Variants in IL2RG observed in about 807,000 individuals in gnomAD.
The protein encoded by IL2RG is interleukin 2 receptor subunit gamma, also known as cytokine receptor common subunit gamma.
For synonymous variants in IL2RG, 111 were observed against 108.5 expected (o/e 1.02, Z -0.15); for missense variants, 205 against 272.9 (o/e 0.75, Z 1.75).
At chrX:71,111,242 C>T in intron 1 of IL2RG, 183 bp downstream of exon 1, 4 of 728,962 alleles carry the variant, frequency 5.5e-6, no homozygotes, top group Non-Finnish European at 7.9e-6. Context: ...AAGAAAGAAA[C>T]AAACAAACAA....
chrX:71,107,874 G>A lies in IL2RG; in HGVS notation c.972C>T (p.Asp324=). ...SKGLAESLQP[D]YSERLCLVSE... ...TGACGAGGCAGAGTCGTTCACTGTA[G>A]TCTGGCTGCAGACTCTCAGCCAGTC... Residue 324 remains aspartate (D), a synonymous_variant, in exon 8 of 8, where the codon GAC becomes GAT. Transcript: ENST00000374202. The A allele has an allele frequency of 1.7e-6, 2 of 1,204,887 alleles. No homozygotes were observed. The highest frequency in any genetic ancestry group is 4.6e-4 in the Middle Eastern group (2 of 4,332).
At chrX:71,108,388 G>C in intron 6 of IL2RG, 42 bp from the exon 7 acceptor site, 1 of 951,101 alleles carries the variant, frequency 1.1e-6, no homozygotes, top group Non-Finnish European at 1.5e-6. Context: ...ATAGGTTAAA[G>C]CTTTTTTATC....
chrX:71,108,748 C>T, intron 5 of IL2RG, 53 bp from the exon 6 acceptor site: 3 of 843,043 alleles, frequency 3.6e-6, no homozygotes, highest in Non-Finnish European at 5.2e-6. Context: ...GCCCCTACTA[C>T]ATGCCAGGCA....
At chrX:71,109,942 A>AAAAG (rs1254130664) in intron 4 of IL2RG, among the ~76,000 whole-genome samples, 13 of 102,857 alleles carry the variant, frequency 1.3e-4, no homozygotes, top group Admixed American at 2.1e-4. Context: ...AAAAAAAAAA[A>AAAAG]AAAGAAAGAA....
chrX:71,108,047 C>T, intron 7 of IL2RG, 126 bp from the exon 8 acceptor site: 2 of 578,743 alleles, frequency 3.5e-6, no homozygotes, highest in Non-Finnish European at 5.7e-6. Context: ...GATACACAGG[C>T]TCCTGGGCCC....
chrX:71,108,153 T>C, intron 7 of IL2RG, 124 bp downstream of exon 7: 2 of 587,745 alleles, frequency 3.4e-6, no homozygotes, highest in Admixed American at 5.0e-5. Context: ...GTCGGCCACA[T>C]CCTGACAGTT....
chrX:71,110,784 T>C (rs2092262044), intron 2 of IL2RG, 96 bp from the exon 3 acceptor site: 1 of 1,098,614 alleles, frequency 9.1e-7, no homozygotes, highest in Admixed American at 2.3e-5. Flanking sequence ...AACCGACTTA[T>C]GACTTACCCC....
At chrX:71,111,371 C>G in intron 1 of IL2RG, 54 bp downstream of exon 1, 1 of 1,192,868 alleles carries the variant, frequency 8.4e-7, no homozygotes, top group Non-Finnish European at 1.1e-6. Flanking sequence ...CTCTGTACGG[C>G]CCCTTCCCAC....
In IL2RG at chrX:71,110,619, A is replaced by G. The variant is rs941308764; in HGVS notation, c.339T>C (p.Ser113=). The G allele has an allele frequency of 1.7e-5, 21 of 1,207,762 alleles. No homozygotes were observed. The highest frequency in any genetic ancestry group is 2.0e-5 in the Non-Finnish European group (18 of 893,182). Residue 113 remains serine (S), a synonymous_variant, in exon 3 of 8, where the codon TCT becomes TCC. Transcript: ENST00000374202. Reference sequence around the variant, plus strand: ...TCTCCTTTTTTTGCAACTGACAGCCAGAAGTGATTTCTTCAGAGAATAGAT... The same window carrying G: ...TCTCCTTTTTTTGCAACTGACAGCCGGAAGTGATTTCTTCAGAGAATAGAT... ...SHYLFSEEIT[S]GCQLQKKEIH...
intron 1 of IL2RG, 171 bp from the exon 2 acceptor site, chrX:71,111,221 G>C: frequency 1.5e-6 from 1 of 688,787 alleles, no homozygotes; most frequent in Non-Finnish European, 2.2e-6. Flanking sequence ...GTGAGACCCT[G>C]CCTCAAAAGA....
At chrX:71,109,510 G>C in intron 4 of IL2RG, 120 bp from the exon 5 acceptor site, 1 of 662,222 alleles carries the variant, frequency 1.5e-6, no homozygotes, top group Non-Finnish European at 2.3e-6. Context: ...CTCATCTCTT[G>C]ACTACTCAAG....
chrX:71,107,542 A>C lies in IL2RG; in HGVS notation c.*194T>G. On this transcript the variant is annotated 3_prime_UTR_variant, in exon 8 of 8. Coordinates refer to ENST00000374202, the MANE Select transcript of IL2RG (RefSeq NM_000206.3). ...GAAGGGCCAGACTGAGGGAGAAGAAAAACATGTTCGGGGCAAAAGGGTAAT... is the reference window on the plus strand; with the variant it reads ...GAAGGGCCAGACTGAGGGAGAAGAACAACATGTTCGGGGCAAAAGGGTAAT... 2 of 316,432 alleles carry C rather than the reference A, an allele frequency of 6.3e-6. No homozygotes were observed. Among genetic ancestry groups the C allele is most frequent in the Middle Eastern group, 8.6e-4 (1 of 1,164 alleles). 26.1% of individuals were successfully genotyped at this position (316,432 alleles called of 1,213,427 possible).
At chrX:71,108,134 C>T (rs749183619) in intron 7 of IL2RG, 143 bp downstream of exon 7, 367 of 554,407 alleles carry the variant, frequency 6.6e-4, no homozygotes, top group Middle Eastern at 4.0e-3. Flanking sequence ...ATAGTCCATG[C>T]CCCATTTGGT....
chrX:71,110,910 T>A lies in IL2RG; in HGVS notation c.256A>T (p.Thr86Ser). ...SSSEPQPTNL[T>S]LHYWYKNSDN... ...CCCTTCTCATACCAATAATGCAGAG[T>A]GAGGTTGGTAGGCTGGGGCTCAGAG... The change falls in exon 2 of 8, where the codon ACT (threonine) becomes TCT (serine). Residue 86 changes from threonine to serine, a missense_variant. Physicochemically the swap from Thr to Ser is moderately conservative, Grantham distance 58 (BLOSUM62 1). Transcript: ENST00000374202. 8.3e-7 allele frequency: 1 copy of A among 1,209,674 alleles called. No homozygotes were observed. Among genetic ancestry groups the A allele is most frequent in the Non-Finnish European group, 1.1e-6 (1 of 894,485 alleles).
At chrX:71,109,455 C>T (rs1602288845) in intron 4 of IL2RG, 65 bp from the exon 5 acceptor site, 1 of 1,019,842 alleles carries the variant, frequency 9.8e-7, no homozygotes, top group East Asian at 3.1e-5. Context: ...AAAACATACT[C>T]CTGAACACCC....
At position 71,110,438 on chromosome X, in the gene IL2RG, C is replaced by T. The variant is rs1294622437; in HGVS notation, c.454+66G>A. ...CCCATGTACCCTTATGATAAAAGAA[C>T]ACTACTCTGTAGACTCCAATGTCCC... is the stretch of plus-strand genomic sequence containing the variant. On this transcript the variant is annotated intron_variant, in intron 3 of 7. Coordinates refer to ENST00000374202, the MANE Select transcript of IL2RG (RefSeq NM_000206.3). 5.3e-6 allele frequency: 6 copies of T among 1,129,330 alleles called. No individual in the cohort carries two copies. The East Asian group carries it at 1.8e-4, about 34-fold the overall frequency. The allele number at this position is 1,129,330 out of a possible 1,213,427, so 93.1% of individuals were successfully genotyped here.
intron 7 of IL2RG, 123 bp downstream of exon 7, chrX:71,108,154 C>A: frequency 1.7e-6 from 1 of 591,165 alleles, no homozygotes. Context: ...TCGGCCACAT[C>A]CTGACAGTTA....
At chrX:71,110,074 A>C in intron 4 of IL2RG, 82 bp downstream of exon 4, 1 of 1,045,823 alleles carries the variant, frequency 9.6e-7, no homozygotes, top group Non-Finnish European at 1.3e-6. Context: ...GCTTGATATT[A>C]GGTCCTTCTA....
Position 71,107,552 on chromosome X carries a change from G to A in IL2RG, c.*184C>T, listed in dbSNP as rs944556624. The A allele has an allele frequency of 5.5e-5, 18 of 327,074 alleles. No homozygotes were observed. The South Asian group carries it at 8.3e-4, about 15-fold the overall frequency. 27.0% of individuals were successfully genotyped at this position (327,074 alleles called of 1,213,427 possible). On this transcript the variant is annotated 3_prime_UTR_variant, in exon 8 of 8. Coordinates refer to ENST00000374202, the MANE Select transcript of IL2RG (RefSeq NM_000206.3). ...ACTGAGGGAGAAGAAAAACATGTTC[G>A]GGGCAAAAGGGTAATTCTCAAGTGG... is the stretch of plus-strand genomic sequence containing the variant.
Sources: allele counts gnomAD v4.1 joint callset (sites outside exome capture counted in the v4.1 genomes callset), GRCh38; gene constraint gnomAD v4.1.1; transcripts MANE v1.5; gene names NCBI Gene and HGNC (gene_info 2026-07-23, HGNC 2026-07-21).